VPS13B: variants seen among roughly 807,000 people sequenced by gnomAD.
VPS13B encodes the protein intermembrane lipid transfer protein VPS13B.
VPS13B carries 285 observed loss-of-function variants against 426.4 expected under a neutral mutation model. The ratio of observed to expected loss-of-function variants is 0.67; its 90% CI spans 0.61 to 0.74. The LOEUF is 0.74. Among genes scored for constraint, VPS13B ranks in the 30% least tolerant of loss-of-function variants. The pLI, the probability that VPS13B is intolerant of heterozygous loss-of-function variation, is 0.00. For missense variants in VPS13B, 4,537 were observed against 4,782.6 expected, an observed-to-expected ratio of 0.95 and a Z score of 1.51; for synonymous variants, 1,676 against 1,676.4, an observed-to-expected ratio of 1.00 and a Z score of 0.01.
At chr8:99,452,670 A>C (rs574170051) in intron 23 of VPS13B, among the ~76,000 whole-genome samples, 4 of 152,296 alleles carry the variant, frequency 2.6e-5, no homozygotes, top group Middle Eastern at 3.4e-3. Context: ...AAAAGGGGGG[A>C]AAAAGCATTA....
At chr8:99,069,155 G>A (rs974507145) in intron 3 of VPS13B, among the ~76,000 whole-genome samples, 3 of 152,260 alleles carry the variant, frequency 2.0e-5, no homozygotes, top group Middle Eastern at 6.8e-3. Context: ...GAGTCAGGCT[G>A]GGTATGGTGG....
intron 16 of VPS13B, among the ~76,000 whole-genome samples, chr8:99,187,055 C>T (rs1013907162): frequency 1.3e-5 from 2 of 152,114 alleles, no homozygotes; most frequent in African/African-American, 2.4e-5. Context: ...ATACTTACTG[C>T]TGTAGTTATA....
intron 19 of VPS13B, among the ~76,000 whole-genome samples, chr8:99,352,834 A>C (rs1017388674): frequency 6.6e-6 from 1 of 151,506 alleles, no homozygotes; most frequent in African/African-American, 2.4e-5. Context: ...CAAAAAAAAA[A>C]CAAACAAACA....
At chr8:99,216,835 C>A (rs543315689) in intron 17 of VPS13B, among the ~76,000 whole-genome samples, 1 of 151,522 alleles carries the variant, frequency 6.6e-6, no homozygotes, top group Non-Finnish European at 1.5e-5. Context: ...ATTGATTTCA[C>A]CTGTTTTTAC....
At chr8:99,568,394 G>A (rs1466095845) in intron 31 of VPS13B, among the ~76,000 whole-genome samples, 1 of 151,268 alleles carries the variant, frequency 6.6e-6, no homozygotes. Flanking sequence ...GGGTTCAAGC[G>A]ATTCTCTTGC....
chr8:99,167,548 A>T (rs912016177), intron 15 of VPS13B, among the ~76,000 whole-genome samples: 1 of 152,022 alleles, frequency 6.6e-6, no homozygotes, highest in East Asian at 1.9e-4. Context: ...GTCTTTTTAA[A>T]ATAGCAAATT....
rs200214093 is a variant in VPS13B at position 99,654,142 on chromosome 8, G to A, written c.5909-7212G>A. ...CGGCTCACTGCAAGCTCTGCCTCCC[G>A]GGTTCACACCATTCTCCTGCCTCAG... On this transcript the variant is annotated intron_variant, in intron 34 of 61. Transcript: ENST00000357162. 5.3e-5 allele frequency among the ~76,000 whole-genome samples: 8 copies of A among 151,982 alleles called. No individual in the cohort carries two copies. The East Asian group carries it at 1.4e-3, about 26-fold the overall frequency.
In VPS13B at chr8:99,766,812, G is replaced by A. The variant is rs1476065012; in HGVS notation, c.7089G>A (p.Lys2363=). ...CSLEYWDELQ[K]VFVAFREFNL... ...TGGAATACTGGGATGAACTCCAGAA[G>A]GTTTTTGTTGCATTTAGAGAATTTA... Residue 2363 remains lysine (K), a synonymous_variant, in exon 40 of 62, where the codon AAG becomes AAA. Coordinates refer to ENST00000357162, the MANE Select transcript of VPS13B (RefSeq NM_152564.5). The A allele has an allele frequency of 1.9e-6, 3 of 1,613,932 alleles. No individual in the cohort carries two copies. The highest frequency in any genetic ancestry group is 1.1e-5 in the South Asian group (1 of 91,052).
At chr8:99,831,850 C>A (rs575360653) in intron 51 of VPS13B, among the ~76,000 whole-genome samples, 4 of 152,182 alleles carry the variant, frequency 2.6e-5, no homozygotes, top group African/African-American at 9.7e-5. Flanking sequence ...GTGGTATTCT[C>A]ACTGCTTCTA....
intron 3 of VPS13B, among the ~76,000 whole-genome samples, chr8:99,066,448 T>C (rs1247088438): frequency 6.6e-6 from 1 of 152,184 alleles, no homozygotes; most frequent in Non-Finnish European, 1.5e-5. Flanking sequence ...TGGCTAGCCA[T>C]ATGTAGAAAG....
intron 2 of VPS13B, among the ~76,000 whole-genome samples, chr8:99,031,767 C>T (rs1446072549): frequency 6.6e-6 from 1 of 152,096 alleles, no homozygotes; most frequent in Non-Finnish European, 1.5e-5. Flanking sequence ...GCAGGCTGGT[C>T]CTTAGTCCCT....
chr8:99,700,033 A>G (rs972117518), intron 36 of VPS13B, 101 bp downstream of exon 36: 20 of 1,400,144 alleles, frequency 1.4e-5, no homozygotes, highest in Non-Finnish European at 1.9e-5. Flanking sequence ...GTAGAAGTTA[A>G]AAGTTGTAAA....
At chr8:99,553,775 C>T (rs1399185853) in intron 30 of VPS13B, among the ~76,000 whole-genome samples, 2 of 151,850 alleles carry the variant, frequency 1.3e-5, no homozygotes, top group African/African-American at 4.8e-5. Context: ...TTATAAATTA[C>T]TCTGAATTTT....
At chr8:99,391,132 C>A (rs955278880) in intron 20 of VPS13B, among the ~76,000 whole-genome samples, 3 of 151,846 alleles carry the variant, frequency 2.0e-5, no homozygotes, top group African/African-American at 7.3e-5. Flanking sequence ...TATAAGGATC[C>A]ATTTTATAAG....
At chr8:99,487,917 A>C (rs1820396888) in intron 25 of VPS13B, among the ~76,000 whole-genome samples, 2 of 152,150 alleles carry the variant, frequency 1.3e-5, no homozygotes, top group Admixed American at 1.3e-4. Flanking sequence ...ACACTGGTGC[A>C]CAAGGGTTGA....
chr8:99,300,714 C>T (rs1478450887), intron 19 of VPS13B, among the ~76,000 whole-genome samples: 1 of 152,098 alleles, frequency 6.6e-6, no homozygotes, highest in Non-Finnish European at 1.5e-5. Flanking sequence ...AGATTGTCTG[C>T]ATTACTCTTA....
chr8:99,437,310 T>C (rs1473003030), intron 22 of VPS13B, among the ~76,000 whole-genome samples: 1 of 152,136 alleles, frequency 6.6e-6, no homozygotes, highest in Admixed American at 6.5e-5. Flanking sequence ...TGCTGTAACC[T>C]ATTTGTTTTT....
intron 19 of VPS13B, among the ~76,000 whole-genome samples, chr8:99,324,847 T>A (rs1231844688): frequency 6.6e-6 from 1 of 152,190 alleles, no homozygotes; most frequent in East Asian, 1.9e-4. Context: ...AGATTACATC[T>A]AGTTACAAAG....
intron 39 of VPS13B, among the ~76,000 whole-genome samples, chr8:99,760,725 A>C (rs1417885618): frequency 6.6e-6 from 1 of 152,208 alleles, no homozygotes; most frequent in African/African-American, 2.4e-5. Flanking sequence ...TGTATCCATC[A>C]GTTCTACCTC....
Sources: gnomAD v4.1 joint callset for allele counts (sites outside exome capture counted in the v4.1 genomes callset) on GRCh38, gnomAD v4.1.1 for gene constraint, MANE v1.5 for transcripts, NCBI Gene and HGNC (gene_info 2026-07-23, HGNC 2026-07-21) for gene names.